The following ADD1 variants were observed in gnomAD, a reference collection of about 807,000 sequenced individuals.
ADD1 encodes the protein alpha-adducin.
A neutral mutation model predicts 80.5 loss-of-function variants in ADD1; 24 were observed. The observed-to-expected ratio is 0.30, with a 90% CI of 0.22 to 0.42. The LOEUF (loss-of-function observed/expected upper bound fraction) is 0.42. ADD1 is among the 10% of genes least tolerant of loss of function. ADD1 has a pLI of 1.00. For missense variants in ADD1, 948 were observed against 1,019.0 expected (o/e 0.93, Z 0.95); for synonymous variants, 373 against 393.8 (o/e 0.95, Z 0.63).
chr4:2,917,399 T>C (rs1158284286), intron 14 of ADD1, among the ~76,000 whole-genome samples: 1 of 152,240 alleles, frequency 6.6e-6, no homozygotes, highest in Non-Finnish European at 1.5e-5. Context: ...CTTGTAAACT[T>C]GTTTAAGTTC....
At chr4:2,885,022 C>A (rs919699535) in intron 4 of ADD1, among the ~76,000 whole-genome samples, 5 of 152,208 alleles carry the variant, frequency 3.3e-5, no homozygotes, top group African/African-American at 1.2e-4. Context: ...CTTATTTCTT[C>A]AGCTACTCTA....
chr4:2,889,851 A>G (rs1433575207), intron 4 of ADD1, among the ~76,000 whole-genome samples: 1 of 151,752 alleles, frequency 6.6e-6, no homozygotes, highest in Non-Finnish European at 1.5e-5. Flanking sequence ...CCATAAAGAC[A>G]GTAATAATAA....
chr4:2,917,424 A>T (rs1345066193), intron 14 of ADD1, among the ~76,000 whole-genome samples: 1 of 151,996 alleles, frequency 6.6e-6, no homozygotes, highest in Non-Finnish European at 1.5e-5. Context: ...TAGATCGTGG[A>T]TATGAGCCCT....
chr4:2,881,790 C>T, intron 2 of ADD1, 108 bp from the exon 3 acceptor site: 2 of 849,332 alleles, frequency 2.4e-6, no homozygotes, highest in South Asian at 4.3e-5. Context: ...GTTTGCCTTT[C>T]CAGCACTGGA....
intron 1 of ADD1, among the ~76,000 whole-genome samples, chr4:2,849,046 T>C (rs996725765): frequency 6.6e-6 from 1 of 152,204 alleles, no homozygotes; most frequent in Non-Finnish European, 1.5e-5. Flanking sequence ...AATTACACTT[T>C]TACTTTCCGT....
At chr4:2,895,433 TG>T (rs1459020676) in intron 6 of ADD1, among the ~76,000 whole-genome samples, 1 of 151,534 alleles carries the variant, frequency 6.6e-6, no homozygotes, top group Non-Finnish European at 1.5e-5. Context: ...GAGGGTGCTG[TG>T]GGCTCGGGGA....
At chr4:2,918,062 A>C (rs962060826) in intron 14 of ADD1, among the ~76,000 whole-genome samples, 1 of 152,224 alleles carries the variant, frequency 6.6e-6, no homozygotes, top group South Asian at 2.1e-4. Context: ...CTGTGAAGAA[A>C]GTCAGTGGTA....
intron 15 of ADD1, 68 bp from the exon 16 acceptor site, chr4:2,928,103 C>T (rs1712204407): frequency 1.4e-6 from 2 of 1,402,630 alleles, no homozygotes; most frequent in Non-Finnish European, 2.0e-6. Flanking sequence ...GTGGGGCTCC[C>T]CCATCTCAAG....
intron 14 of ADD1, among the ~76,000 whole-genome samples, chr4:2,917,737 A>G (rs761719861): frequency 4.6e-5 from 7 of 152,242 alleles, no homozygotes; most frequent in Non-Finnish European, 8.8e-5. Flanking sequence ...AGTTTTATGC[A>G]TATGGCTATC....
chr4:2,859,893 A>C (rs1270779978), intron 1 of ADD1, among the ~76,000 whole-genome samples: 1 of 150,564 alleles, frequency 6.6e-6, no homozygotes, highest in Non-Finnish European at 1.5e-5. Flanking sequence ...CTGTTTTATA[A>C]TTATTAAATG....
At chr4:2,909,753 C>T (rs1475490021) in intron 13 of ADD1, among the ~76,000 whole-genome samples, 4 of 152,060 alleles carry the variant, frequency 2.6e-5, no homozygotes, top group African/African-American at 9.7e-5. Flanking sequence ...TTTGCCTTTT[C>T]CATGACTCTG....
intron 9 of ADD1, chr4:2,901,794 A>G (rs1736213951): frequency 6.6e-6 from 1 of 152,182 alleles, no homozygotes; most frequent in South Asian, 2.1e-4. Flanking sequence ...AAATTTCAAA[A>G]AGAGAGATAA....
chr4:2,903,571 G>A (rs1362251363), intron 9 of ADD1, among the ~76,000 whole-genome samples: 2 of 152,132 alleles, frequency 1.3e-5, no homozygotes, highest in African/African-American at 4.8e-5. Context: ...AAGCATTCTT[G>A]GCAGCTTTAC....
At chr4:2,872,232 G>C (rs752121954) in intron 1 of ADD1, among the ~76,000 whole-genome samples, 4 of 152,136 alleles carry the variant, frequency 2.6e-5, no homozygotes, top group Non-Finnish European at 5.9e-5. Context: ...GTGTTTATTT[G>C]AAAATATTGT....
At chr4:2,890,705 G>A (rs1320397652) in intron 4 of ADD1, among the ~76,000 whole-genome samples, 1 of 152,100 alleles carries the variant, frequency 6.6e-6, no homozygotes, top group Non-Finnish European at 1.5e-5. Context: ...ACCATGCCTG[G>A]CCACTAGAAT....
At chr4:2,881,371 G>A (rs1313062288) in intron 2 of ADD1, among the ~76,000 whole-genome samples, 2 of 152,112 alleles carry the variant, frequency 1.3e-5, no homozygotes, top group African/African-American at 4.8e-5. Flanking sequence ...GAGCCACTGT[G>A]CCCAGCCAAT....
intron 9 of ADD1, chr4:2,900,839 A>G (rs1452866244): frequency 2.6e-5 from 4 of 152,222 alleles, no homozygotes; most frequent in Non-Finnish European, 4.4e-5. Context: ...AGTTCATATA[A>G]TCAGTGAGGT....
chr4:2,894,689 C>T lies in ADD1; in HGVS notation c.699C>T (p.Asp233=), dbSNP rs770574567. Reference sequence around the variant, plus strand: ...CTGCAATTTATGCTGCACGCCCGGACGTGAAGTGCGTCGTGCACATTCACA... The same window carrying T: ...CTGCAATTTATGCTGCACGCCCGGATGTGAAGTGCGTCGTGCACATTCACA... The part of the protein sequence containing the change: ...LHSAIYAARP[D]VKCVVHIHTP... Residue 233 remains aspartate, a synonymous_variant, in exon 6 of 16, where the codon GAC becomes GAT. Transcript: ENST00000683351. 43 of 1,601,198 alleles carry T rather than the reference C, an allele frequency of 2.7e-5. No homozygotes were observed. The highest frequency in any genetic ancestry group is 3.4e-5 in the Non-Finnish European group (40 of 1,176,660).
chr4:2,878,693 G>A (rs1354853501), intron 2 of ADD1, among the ~76,000 whole-genome samples: 2 of 152,170 alleles, frequency 1.3e-5, no homozygotes, highest in Non-Finnish European at 2.9e-5. Flanking sequence ...GGGAGGCTGA[G>A]ATAGGAGGAT....
Sources: allele counts gnomAD v4.1 joint callset (sites outside exome capture counted in the v4.1 genomes callset), GRCh38; gene constraint gnomAD v4.1.1; transcripts MANE v1.5; gene names NCBI Gene and HGNC (gene_info 2026-07-23, HGNC 2026-07-21).